The following GRIN2B variants were observed in gnomAD, a reference collection of about 807,000 sequenced individuals.
GRIN2B encodes glutamate receptor ionotropic, NMDA 2B.
GRIN2B carries 5 observed loss-of-function variants against 114.5 expected under a neutral mutation model. That is an observed-to-expected ratio of 0.04 (90% confidence interval 0.02 to 0.09). The LOEUF (loss-of-function observed/expected upper bound fraction) is 0.09, where lower values mean the gene tolerates loss of function less well. Among genes scored for constraint, GRIN2B ranks in the 10% least tolerant of loss-of-function variants. GRIN2B has a pLI of 1.00. For missense variants in GRIN2B, 1,108 were observed against 1,943.5 expected (o/e 0.57, Z 8.08); for synonymous variants, 787 against 745.1 (o/e 1.06, Z -0.92).
intron 5 of GRIN2B, among the ~76,000 whole-genome samples, chr12:13,652,942 A>T (rs917467070): frequency 6.6e-6 from 1 of 152,152 alleles, no homozygotes; most frequent in South Asian, 2.1e-4. Flanking sequence ...TTTCATCTTG[A>T]TGTCACTGGA....
At chr12:13,793,837 G>T (rs967730751) in intron 3 of GRIN2B, among the ~76,000 whole-genome samples, 3 of 151,976 alleles carry the variant, frequency 2.0e-5, no homozygotes, top group Non-Finnish European at 4.4e-5. Flanking sequence ...CAGACTTTTT[G>T]GAAGAAGGAA....
intron 3 of GRIN2B, among the ~76,000 whole-genome samples, chr12:13,761,759 G>C (rs1393874460): frequency 6.6e-6 from 1 of 152,114 alleles, no homozygotes; most frequent in Non-Finnish European, 1.5e-5. Flanking sequence ...TTCTGTGACT[G>C]AATAAATGTA....
chr12:13,687,214 C>T (rs1950180317), intron 4 of GRIN2B, among the ~76,000 whole-genome samples: 3 of 152,152 alleles, frequency 2.0e-5, no homozygotes, highest in Admixed American at 6.5e-5. Flanking sequence ...CAAAGATCAA[C>T]AAAAATAAAA....
At chr12:13,875,080 C>G (rs547559528) in intron 2 of GRIN2B, among the ~76,000 whole-genome samples, 6 of 152,154 alleles carry the variant, frequency 3.9e-5, no homozygotes, top group Admixed American at 3.9e-4. Flanking sequence ...CCACTCCCTC[C>G]CCACCCCACA....
At chr12:13,688,391 G>A (rs1056273567) in intron 4 of GRIN2B, among the ~76,000 whole-genome samples, 3 of 152,124 alleles carry the variant, frequency 2.0e-5, no homozygotes, top group Non-Finnish European at 2.9e-5. Context: ...AAACACACAG[G>A]CTTTTTACAG....
chr12:13,621,464 G>C (rs374453103), intron 5 of GRIN2B, among the ~76,000 whole-genome samples: 30 of 152,082 alleles, frequency 2.0e-4, no homozygotes, highest in African/African-American at 6.8e-4. Flanking sequence ...GAATTCCTTT[G>C]AGGTAACTAA....
chr12:13,671,203 C>A (rs1479868045), intron 5 of GRIN2B, among the ~76,000 whole-genome samples: 1 of 152,058 alleles, frequency 6.6e-6, no homozygotes, highest in African/African-American at 2.4e-5. Flanking sequence ...TATTGACTAC[C>A]AATTGACATT....
intron 5 of GRIN2B, among the ~76,000 whole-genome samples, chr12:13,622,122 C>A (rs946790367): frequency 6.6e-6 from 1 of 152,168 alleles, no homozygotes; most frequent in Non-Finnish European, 1.5e-5. Flanking sequence ...CATAGAAAGT[C>A]ATTTTTTAAG....
intron 2 of GRIN2B, among the ~76,000 whole-genome samples, chr12:13,881,190 A>G (rs1204916345): frequency 6.6e-6 from 1 of 151,488 alleles, no homozygotes; most frequent in African/African-American, 2.4e-5. Flanking sequence ...TTCATGAACA[A>G]CTCCACTTGC....
chr12:13,908,087 T>A (rs1006483779), intron 2 of GRIN2B, among the ~76,000 whole-genome samples: 2 of 152,210 alleles, frequency 1.3e-5, no homozygotes, highest in Non-Finnish European at 2.9e-5. Flanking sequence ...CATGACGCTC[T>A]GCACTGTATA....
intron 10 of GRIN2B, among the ~76,000 whole-genome samples, chr12:13,572,617 ATAATAAAGAGAAAC>A (rs1053764127): frequency 2.0e-5 from 3 of 152,174 alleles, no homozygotes; most frequent in Non-Finnish European, 4.4e-5. Flanking sequence ...AGTGCCCATT[ATAATAAAGAGAAAC>A]CTCTTGGATT....
At chr12:13,623,105 A>C (rs185266264) in intron 5 of GRIN2B, among the ~76,000 whole-genome samples, 516 of 152,324 alleles carry the variant, frequency 3.4e-3, no homozygotes, top group Non-Finnish European at 4.2e-3. Flanking sequence ...TCAAATCATA[A>C]TACACACATT....
chr12:13,694,076 C>T lies in GRIN2B; in HGVS notation c.1011-18217G>A, dbSNP rs556219111. On this transcript the variant is annotated intron_variant, in intron 4 of 13. Transcript: ENST00000609686. ...TAATTAGGTCTTAAGGTGCAATAAA[C>T]AGCCAAATTTTGAATGAGAAATAAG... Among the ~76,000 whole-genome samples, 5 of 152,240 alleles carry T rather than the reference C, an allele frequency of 3.3e-5. No individual in the cohort carries two copies. In the South Asian group the frequency reaches 1.0e-3, roughly 32 times the overall value.
intron 10 of GRIN2B, among the ~76,000 whole-genome samples, chr12:13,607,375 TATATATATAATATATATTATATATA>T (rs1949286661): frequency 1.3e-4 from 3 of 22,746 alleles, no homozygotes; most frequent in East Asian, 1.3e-3. Context: ...TATTATATAT[TATATATATAATATATATTATATATA>T]ATATATAAAA....
intron 4 of GRIN2B, among the ~76,000 whole-genome samples, chr12:13,746,945 C>G (rs931864710): frequency 1.3e-5 from 2 of 152,184 alleles, no homozygotes; most frequent in African/African-American, 4.8e-5. Flanking sequence ...CACCGTGCCT[C>G]TTGTACAGCC....
At position 13,550,741 on chromosome 12, in the gene GRIN2B, G is replaced by A. The variant is rs1948400003; in HGVS notation, c.*12042C>T. The A allele has an allele frequency of 6.6e-6, 1 of 152,168 alleles. No individual in the cohort carries two copies. Among genetic ancestry groups the A allele is most frequent in the South Asian group, 2.1e-4 (1 of 4,834 alleles). The allele number at this position is 152,168 out of a possible 1,614,324, so 9.4% of individuals were successfully genotyped here. A position where few individuals can be genotyped will look rare whatever the true frequency, so the allele number is the denominator to read the frequency against. On this transcript the variant is annotated 3_prime_UTR_variant, in exon 14 of 14. Transcript: ENST00000609686. The stretch of plus-strand genomic sequence containing the variant: ...GCCCCATCCTAGTCATTAAAATGCA[G>A]TGGGATTGACTGTGCTAGACTGATT...
At chr12:13,658,130 C>T (rs1445369890) in intron 5 of GRIN2B, among the ~76,000 whole-genome samples, 1 of 151,882 alleles carries the variant, frequency 6.6e-6, no homozygotes, top group African/African-American at 2.4e-5. Context: ...TCACTTGAAC[C>T]CGGGAGGCTG....
intron 4 of GRIN2B, among the ~76,000 whole-genome samples, chr12:13,708,009 T>TTCG (rs763009246): frequency 1.0e-4 from 9 of 89,804 alleles, no homozygotes; most frequent in Non-Finnish European, 1.7e-4. Flanking sequence ...ACATGTAGAG[T>TTCG]TTGTTCAAGG....
At chr12:13,763,851 TTTTC>T (rs760522142) in intron 3 of GRIN2B, among the ~76,000 whole-genome samples, 10 of 152,320 alleles carry the variant, frequency 6.6e-5, no homozygotes, top group Middle Eastern at 3.4e-3. Context: ...TTATTTGAGA[TTTTC>T]TTTGTTTTCT....
Sources: gnomAD v4.1 joint callset for allele counts (sites outside exome capture counted in the v4.1 genomes callset) on GRCh38, gnomAD v4.1.1 for gene constraint, MANE v1.5 for transcripts, NCBI Gene and HGNC (gene_info 2026-07-23, HGNC 2026-07-21) for gene names.